SHROOM4: variants seen among roughly 807,000 people sequenced by gnomAD.
The protein encoded by SHROOM4 is shroom family member 4, also known as protein Shroom4.
A neutral mutation model predicts 80.3 loss-of-function variants in SHROOM4; 17 were observed. The ratio of observed to expected loss-of-function variants is 0.21; its 90% CI spans 0.14 to 0.32. The LOEUF is 0.32. SHROOM4 is among the 10% of genes least tolerant of loss of function. The pLI, the probability that SHROOM4 is intolerant of heterozygous loss-of-function variation, is 1.00. For missense variants in SHROOM4, 993 were observed against 1,140.3 expected (o/e 0.87, Z 1.86); for synonymous variants, 400 against 437.5 (o/e 0.91, Z 1.07).
At chrX:50,665,236 C>A (rs1602417323) in intron 2 of SHROOM4, among the ~76,000 whole-genome samples, 1 of 111,040 alleles carries the variant, frequency 9.0e-6, no homozygotes, top group Non-Finnish European at 1.9e-5. Flanking sequence ...AGAACCTTAA[C>A]CCTCATCCAA....
chrX:50,610,866 TA>T (rs1187371156), intron 5 of SHROOM4, among the ~76,000 whole-genome samples: 1 of 111,954 alleles, frequency 8.9e-6, no homozygotes, highest in African/African-American at 3.2e-5. Context: ...TAAAAATTCT[TA>T]AAGCAAAATC....
chrX:50,670,280 C>A (rs966682810), intron 2 of SHROOM4, among the ~76,000 whole-genome samples: 34 of 106,242 alleles, frequency 3.2e-4, no homozygotes, highest in African/African-American at 1.1e-3. Flanking sequence ...CTCTGACAGG[C>A]CCCTGTGTGT....
chrX:50,809,799 G>T (rs1557273277), intron 1 of SHROOM4, among the ~76,000 whole-genome samples: 1 of 111,781 alleles, frequency 8.9e-6, no homozygotes, highest in South Asian at 3.8e-4. Flanking sequence ...GATTAGAAGA[G>T]AATCCCCATT....
Position 50,598,550 on chromosome X carries a change from CAGG to C in SHROOM4, c.3943-18_3943-16del. ...ATAAGCTGTATCTAGGGGAATTAAA[CAGG>C]AGAAGACAAAGGATGAGAATGGGGA... On this transcript the variant is annotated splice_polypyrimidine_tract_variant and intron_variant, in intron 7 of 8. Coordinates refer to ENST00000376020, the MANE Select transcript of SHROOM4 (RefSeq NM_020717.5). The C allele has an allele frequency of 1.7e-6, 2 of 1,198,813 alleles. No homozygotes were observed. The highest frequency in any genetic ancestry group is 2.3e-6 in the Non-Finnish European group (2 of 888,327).
intron 1 of SHROOM4, among the ~76,000 whole-genome samples, chrX:50,701,164 A>C (rs990665048): frequency 1.8e-5 from 2 of 112,022 alleles, no homozygotes; most frequent in African/African-American, 6.5e-5. Context: ...GCTCCAAATC[A>C]TTAAATTTCC....
intron 1 of SHROOM4, among the ~76,000 whole-genome samples, chrX:50,715,459 G>A (rs892168325): frequency 4.5e-5 from 5 of 111,881 alleles, no homozygotes; most frequent in Non-Finnish European, 9.4e-5. Context: ...CACAGTAGGT[G>A]TTATGTCTGA....
intron 1 of SHROOM4, among the ~76,000 whole-genome samples, chrX:50,761,726 C>A (rs1557268895): frequency 9.0e-6 from 1 of 110,892 alleles, no homozygotes; most frequent in Non-Finnish European, 1.9e-5. Flanking sequence ...CCACGCCTGG[C>A]TTTTTTGTAT....
intron 2 of SHROOM4, among the ~76,000 whole-genome samples, chrX:50,680,718 C>A (rs1217120864): frequency 9.0e-6 from 1 of 111,019 alleles, no homozygotes; most frequent in Non-Finnish European, 1.9e-5. Flanking sequence ...CACCTGGTGT[C>A]AAAGCTTTAT....
intron 1 of SHROOM4, among the ~76,000 whole-genome samples, chrX:50,771,422 G>A (rs1456603577): frequency 1.8e-5 from 2 of 112,345 alleles, no homozygotes; most frequent in Non-Finnish European, 3.8e-5. Flanking sequence ...TCTTCATTTT[G>A]GCAGTTTGGG....
rs1934739876 is a variant in SHROOM4 at position 50,744,732 on chromosome X, C to CCTAT, written c.118-48799_118-48796dup. Among the ~76,000 whole-genome samples, 3 of 111,716 alleles carry CCTAT rather than the reference C, an allele frequency of 2.7e-5. No homozygotes were observed. In the South Asian group the frequency reaches 1.1e-3, roughly 42 times the overall value. On this transcript the variant is annotated intron_variant, in intron 1 of 8. Coordinates refer to ENST00000376020, the MANE Select transcript of SHROOM4 (RefSeq NM_020717.5). ...TTGTAGTAACTCTGAATTCTGTTTA[C>CCTAT]CTATCCCACCCCCATAACCTGGGCT...
At chrX:50,720,240 A>G (rs189431355) in intron 1 of SHROOM4, among the ~76,000 whole-genome samples, 68 of 111,770 alleles carry the variant, frequency 6.1e-4, no homozygotes, top group Non-Finnish European at 6.6e-4. Context: ...TTGCCCACAC[A>G]GATTTTTAAG....
intron 2 of SHROOM4, among the ~76,000 whole-genome samples, chrX:50,650,023 G>A (rs2084437306): frequency 8.9e-6 from 1 of 112,016 alleles, no homozygotes; most frequent in Non-Finnish European, 1.9e-5. Context: ...AACATATTGT[G>A]CATTTACATG....
intron 1 of SHROOM4, among the ~76,000 whole-genome samples, chrX:50,730,434 AT>A (rs1934343084): frequency 9.2e-6 from 1 of 108,688 alleles, no homozygotes; most frequent in Non-Finnish European, 1.9e-5. Flanking sequence ...TCTCAAAAAA[AT>A]AATAATAAAA....
At chrX:50,611,132 T>C (rs1389960293) in intron 5 of SHROOM4, among the ~76,000 whole-genome samples, 1 of 90,078 alleles carries the variant, frequency 1.1e-5, no homozygotes, top group Non-Finnish European at 2.2e-5. Flanking sequence ...ACAGACCATA[T>C]TTTCTTTTTT....
At chrX:50,705,894 T>C (rs1465627219) in intron 1 of SHROOM4, among the ~76,000 whole-genome samples, 1 of 109,303 alleles carries the variant, frequency 9.1e-6, no homozygotes, top group Non-Finnish European at 1.9e-5. Flanking sequence ...GACCAAAGAA[T>C]GATTTTTACA....
intron 1 of SHROOM4, among the ~76,000 whole-genome samples, chrX:50,744,686 T>C (rs1934738652): frequency 8.9e-6 from 1 of 112,095 alleles, no homozygotes; most frequent in East Asian, 2.8e-4. Flanking sequence ...TTGTTGAAAA[T>C]TTGACATTTT....
chrX:50,636,695 C>G (rs1931373554), intron 3 of SHROOM4, among the ~76,000 whole-genome samples: 1 of 110,682 alleles, frequency 9.0e-6, no homozygotes, highest in Non-Finnish European at 1.9e-5. Context: ...TCTATTGTTC[C>G]CATCTTTATG....
intron 5 of SHROOM4, among the ~76,000 whole-genome samples, chrX:50,609,002 C>T (rs1557249284): frequency 8.9e-6 from 1 of 112,009 alleles, no homozygotes; most frequent in African/African-American, 3.2e-5. Context: ...GTGGCTTATG[C>T]CTGTAATCCC....
chrX:50,754,406 T>C (rs1366935468), intron 1 of SHROOM4, among the ~76,000 whole-genome samples: 1 of 112,226 alleles, frequency 8.9e-6, no homozygotes, highest in East Asian at 2.8e-4. Context: ...CCTGCCCTTA[T>C]AGACTTTTCT....
Sources: allele counts gnomAD v4.1 joint callset (sites outside exome capture counted in the v4.1 genomes callset), GRCh38; gene constraint gnomAD v4.1.1; transcripts MANE v1.5; gene names NCBI Gene and HGNC (gene_info 2026-07-23, HGNC 2026-07-21).